The following SLC2A9 variants were observed in gnomAD, a reference collection of about 807,000 sequenced individuals.
The protein encoded by SLC2A9 is solute carrier family 2 member 9.
SLC2A9 carries 39 observed loss-of-function variants against 50.6 expected under a neutral mutation model. That is an observed-to-expected ratio of 0.77 (90% confidence interval 0.60 to 1.01). The LOEUF (loss-of-function observed/expected upper bound fraction) is 1.01. Among genes scored for constraint, SLC2A9 ranks in the 50% least tolerant of loss-of-function variants. The pLI is 0.00. For synonymous variants in SLC2A9, 324 were observed against 276.9 expected, an observed-to-expected ratio of 1.17 and a Z score of -1.69; for missense variants, 686 against 677.6, an observed-to-expected ratio of 1.01 and a Z score of -0.14.
intron 6 of SLC2A9, among the ~76,000 whole-genome samples, chr4:9,941,139 A>G (rs768669995): frequency 7.2e-5 from 11 of 152,214 alleles, no homozygotes; most frequent in African/African-American, 2.4e-4. Context: ...TGTCAACTGC[A>G]TCTCATTTTA....
intron 2 of SLC2A9, among the ~76,000 whole-genome samples, chr4:10,002,256 CA>C (rs2109341174): frequency 6.6e-6 from 1 of 152,344 alleles, no homozygotes; most frequent in Non-Finnish European, 1.5e-5. Flanking sequence ...CTCTTTTCAA[CA>C]ACTTTTTTGG....
chr4:9,794,597 G>C (rs1331071697), downstream of SLC2A9, among the ~76,000 whole-genome samples: 5 of 152,344 alleles, frequency 3.3e-5, no homozygotes, highest in East Asian at 9.6e-4. Context: ...ACCTATGCTT[G>C]TCTGGCTAGG....
At chr4:9,807,999 C>A (rs1219096710) in intron 3 of SLC2A9, among the ~76,000 whole-genome samples, 1 of 152,230 alleles carries the variant, frequency 6.6e-6, no homozygotes, top group Non-Finnish European at 1.5e-5. Context: ...CACCTTGCAG[C>A]TGGATTGGCT....
chr4:9,990,462 C>T (rs997688022), intron 3 of SLC2A9, among the ~76,000 whole-genome samples: 4 of 152,126 alleles, frequency 2.6e-5, no homozygotes, highest in Non-Finnish European at 4.4e-5. Flanking sequence ...GAAATGAGTA[C>T]AACCCAAAAT....
chr4:9,967,315 T>C (rs1247877203), intron 5 of SLC2A9, among the ~76,000 whole-genome samples: 1 of 152,170 alleles, frequency 6.6e-6, no homozygotes, highest in Non-Finnish European at 1.5e-5. Context: ...TTAAATTTTA[T>C]AAAAGACTAA....
At chr4:9,960,161 A>T (rs1752034674) in intron 5 of SLC2A9, among the ~76,000 whole-genome samples, 1 of 152,214 alleles carries the variant, frequency 6.6e-6, no homozygotes, top group African/African-American at 2.4e-5. Context: ...CAGAAGCAAC[A>T]TCTGTCTCAT....
At chr4:9,875,693 C>G (rs1187819112) in intron 10 of SLC2A9, among the ~76,000 whole-genome samples, 1 of 152,210 alleles carries the variant, frequency 6.6e-6, no homozygotes, top group African/African-American at 2.4e-5. Context: ...CTTAACCGCT[C>G]TGAGTCTCAA....
chr4:9,973,848 A>G (rs997028865), intron 5 of SLC2A9, among the ~76,000 whole-genome samples: 2 of 146,492 alleles, frequency 1.4e-5, no homozygotes, highest in Non-Finnish European at 3.0e-5. Context: ...GTACCCTAAA[A>G]CTTAAAGTAT....
At chr4:10,036,270 A>G (rs1187978962) in intron 1 of SLC2A9, 1 of 152,182 alleles carries the variant, frequency 6.6e-6, no homozygotes, top group East Asian at 1.9e-4. Flanking sequence ...GTGACCCCAT[A>G]CACATTTCCG....
intron 10 of SLC2A9, among the ~76,000 whole-genome samples, chr4:9,842,141 C>T (rs1013078847): frequency 6.6e-6 from 1 of 152,004 alleles, no homozygotes; most frequent in African/African-American, 2.4e-5. Context: ...TTGATTTTAA[C>T]GACTCTTTTC....
At chr4:9,835,076 C>T in intron 10 of SLC2A9, 68 bp from the exon 11 acceptor site, 1 of 1,608,780 alleles carries the variant, frequency 6.2e-7, no homozygotes, top group Non-Finnish European at 8.5e-7. Context: ...CATCCATCTC[C>T]ATCTGCCACA....
chr4:9,920,227 G>A (rs1467060569), intron 7 of SLC2A9, among the ~76,000 whole-genome samples, 158 bp downstream of exon 7: 7 of 152,218 alleles, frequency 4.6e-5, no homozygotes, highest in Admixed American at 4.6e-4. Context: ...TGAGGAAACT[G>A]AGGATCAGTC....
chr4:9,894,232 G>A (rs1738089434), intron 8 of SLC2A9, among the ~76,000 whole-genome samples: 1 of 152,206 alleles, frequency 6.6e-6, no homozygotes, highest in African/African-American at 2.4e-5. Flanking sequence ...TATCTAGATG[G>A]TAAATATGTA....
intron 1 of SLC2A9, among the ~76,000 whole-genome samples, chr4:10,032,022 G>A (rs1188320005): frequency 3.9e-5 from 6 of 152,176 alleles, no homozygotes; most frequent in Non-Finnish European, 8.8e-5. Context: ...TTATTCATCC[G>A]ATGGTGTATA....
chr4:9,890,622 C>T lies in SLC2A9; in HGVS notation c.1203G>A (p.Thr401=), dbSNP rs191072192. The T allele has an allele frequency of 2.2e-4, 351 of 1,614,040 alleles. 2 individuals carry two copies. In the East Asian group the frequency reaches 6.1e-3, roughly 28 times the overall value. Residue 401 remains threonine, a synonymous_variant, in exon 9 of 12, where the codon ACG becomes ACA. Transcript: ENST00000264784. ...AACATCGTCTCACCTGCAGGGTCAGCGTGATGGTGAGGGTCCCAAAGAAGA... is the reference window on the plus strand; with the variant it reads ...AACATCGTCTCACCTGCAGGGTCAGTGTGATGGTGAGGGTCCCAAAGAAGA... ...MGLFFGTLTI[T]LTLQDHAPWV... is the part of the protein sequence containing the mutation.
intron 3 of SLC2A9, among the ~76,000 whole-genome samples, chr4:9,799,910 A>G (rs1721159195): frequency 6.6e-6 from 1 of 152,130 alleles, no homozygotes; most frequent in Non-Finnish European, 1.5e-5. Context: ...GTGGTGAAAT[A>G]TTTGGTAAAG....
At chr4:9,901,459 AACGCTGTTTCT>A (rs1173937507) in intron 8 of SLC2A9, among the ~76,000 whole-genome samples, 1 of 152,138 alleles carries the variant, frequency 6.6e-6, no homozygotes, top group Non-Finnish European at 1.5e-5. Context: ...GCCTTGTGAC[AACGCTGTTTCT>A]ACCCTTGTCA....
Position 9,887,824 on chromosome 4 carries a change from G to A in SLC2A9, c.1216-182C>T, listed in dbSNP as rs6818572. Among the ~76,000 whole-genome samples, 37,764 of 152,000 alleles carry A rather than the reference G, an allele frequency of 0.25. 5,175 individuals are homozygous for A. The highest frequency in any genetic ancestry group is 0.36 in the Admixed American group (5,559 of 15,284). On this transcript the variant is annotated intron_variant, in intron 9 of 11. Coordinates refer to ENST00000264784, the MANE Select transcript of SLC2A9 (RefSeq NM_020041.3). The stretch of plus-strand genomic sequence containing the variant: ...TGATAACCCTTCGGTCACTCCATCT[G>A]CTTATTTTATAGCCATGATGAAATC...
chr4:9,785,585 G>T (rs1719114820), intron 3 of SLC2A9, among the ~76,000 whole-genome samples: 1 of 152,222 alleles, frequency 6.6e-6, no homozygotes, highest in Admixed American at 6.5e-5. Flanking sequence ...ACTGTTCTAG[G>T]CTCCAGTTTA....
Sources: gnomAD v4.1 joint callset for allele counts (sites outside exome capture counted in the v4.1 genomes callset) on GRCh38, gnomAD v4.1.1 for gene constraint, MANE v1.5 for transcripts, NCBI Gene and HGNC (gene_info 2026-07-23, HGNC 2026-07-21) for gene names.